The following GATAD2B variants were observed in gnomAD, a reference collection of about 807,000 sequenced individuals.
GATAD2B encodes transcriptional repressor p66-beta.
GATAD2B carries 8 observed loss-of-function variants against 64.3 expected under a neutral mutation model. The observed-to-expected ratio is 0.12, with a 90% CI of 0.07 to 0.22. The LOEUF is 0.22. GATAD2B is among the 10% of genes least tolerant of loss of function. The pLI, the probability that GATAD2B is intolerant of heterozygous loss-of-function variation, is 1.00. For synonymous variants in GATAD2B, 281 were observed against 271.3 expected (o/e 1.04, Z -0.35); for missense variants, 453 against 752.0 (o/e 0.60, Z 4.65).
chr1:153,897,784 A>T lies in GATAD2B; in HGVS notation c.-2+24949T>A, dbSNP rs191104034. Among the ~76,000 whole-genome samples, 208 of 152,220 alleles carry T rather than the reference A, an allele frequency of 1.4e-3. 1 individual carries two copies. The East Asian group carries it at 0.027, about 19-fold the overall frequency. On this transcript the variant is annotated intron_variant, in intron 1 of 10. Transcript: ENST00000368655. Reference sequence around the variant, plus strand: ...ACAGTTGGCCAATATATTTAAAAAAATTTTTTTAAAGAATTGCTGAAAACG... The same window carrying T: ...ACAGTTGGCCAATATATTTAAAAAATTTTTTTTAAAGAATTGCTGAAAACG...
At chr1:153,899,986 C>T (rs1050212043) in intron 1 of GATAD2B, among the ~76,000 whole-genome samples, 1 of 152,166 alleles carries the variant, frequency 6.6e-6, no homozygotes, top group Non-Finnish European at 1.5e-5. Context: ...CACACGTATA[C>T]ACAAATTGCA....
chr1:153,904,185 C>T (rs1272709919), intron 1 of GATAD2B, among the ~76,000 whole-genome samples: 2 of 151,882 alleles, frequency 1.3e-5, no homozygotes, highest in Admixed American at 1.3e-4. Flanking sequence ...AAGGCTGACG[C>T]AGGAAAATCA....
intron 1 of GATAD2B, among the ~76,000 whole-genome samples, chr1:153,876,841 A>G (rs1676851884): frequency 1.3e-5 from 2 of 152,090 alleles, no homozygotes; most frequent in South Asian, 2.1e-4. Context: ...CGTCTCTACT[A>G]AAAATACAAA....
chr1:153,899,504 T>G (rs1320534494), intron 1 of GATAD2B, among the ~76,000 whole-genome samples: 1 of 151,116 alleles, frequency 6.6e-6, no homozygotes, highest in Non-Finnish European at 1.5e-5. Flanking sequence ...GATGTGGAGG[T>G]TGCAGTGAGC....
chr1:153,862,262 A>G (rs1676327577), intron 1 of GATAD2B, among the ~76,000 whole-genome samples: 1 of 151,200 alleles, frequency 6.6e-6, no homozygotes, highest in East Asian at 2.0e-4. Context: ...ACCTGACGTT[A>G]CAGGCTCATG....
At chr1:153,914,211 C>T (rs1236387277) in intron 1 of GATAD2B, among the ~76,000 whole-genome samples, 1 of 139,314 alleles carries the variant, frequency 7.2e-6, no homozygotes, top group Non-Finnish European at 1.5e-5. Context: ...CCATTGCACT[C>T]CAGCCCCCAG....
At position 153,853,926 on chromosome 1, in the gene GATAD2B, T is replaced by C. The variant is rs144448435; in HGVS notation, c.-1-25578A>G. ...CATAAATTTTCAGGAGACATTCCCA[T>C]CTACCCCCAGCCAGAGCCCAAGCTG... On this transcript the variant is annotated intron_variant, in intron 1 of 10. Coordinates refer to ENST00000368655, the MANE Select transcript of GATAD2B (RefSeq NM_020699.4). 2.6e-5 allele frequency among the ~76,000 whole-genome samples: 4 copies of C among 152,270 alleles called. No homozygotes were observed. In the East Asian group the frequency reaches 7.7e-4, roughly 29 times the overall value.
At chr1:153,861,795 A>AATATATATATATATAT (rs1553194157) in intron 1 of GATAD2B, among the ~76,000 whole-genome samples, 1 of 98,550 alleles carries the variant, frequency 1.0e-5, no homozygotes, top group African/African-American at 3.6e-5. Context: ...AAAAAAAAAA[A>AATATATATATATATAT]ATATATATAT....
At chr1:153,810,937 G>GT (rs771768724) in intron 10 of GATAD2B, among the ~76,000 whole-genome samples, 16 of 151,870 alleles carry the variant, frequency 1.1e-4, no homozygotes, top group Non-Finnish European at 1.8e-4. Flanking sequence ...CTAATTTTTT[G>GT]TATTTTCAGT....
At chr1:153,895,993 T>TA (rs376526598) in intron 1 of GATAD2B, among the ~76,000 whole-genome samples, 120,544 of 128,702 alleles carry the variant, frequency 0.94, 56,572 homozygotes, top group Non-Finnish European at 0.96. Context: ...GACTCTGTCT[T>TA]AAAAAAAAAA....
rs1674243609 is a variant in GATAD2B at position 153,810,129 on chromosome 1, G to A, written c.*48C>T. The A allele has an allele frequency of 6.4e-7, 1 of 1,559,230 alleles. No homozygotes were observed. ...GACAGAAGTTGGGGGAATGAAAGAGGAAAGGGATAAAGGATTCAAGGATGG... is the reference window on the plus strand; with the variant it reads ...GACAGAAGTTGGGGGAATGAAAGAGAAAAGGGATAAAGGATTCAAGGATGG... On this transcript the variant is annotated 3_prime_UTR_variant, in exon 11 of 11. Transcript: ENST00000368655.
At chr1:153,898,278 G>A (rs147008941) in intron 1 of GATAD2B, among the ~76,000 whole-genome samples, 11 of 130,658 alleles carry the variant, frequency 8.4e-5, no homozygotes, top group Non-Finnish European at 1.7e-4. Context: ...CTGCATTTCG[G>A]CCTGGGCAAC....
chr1:153,823,872 G>C (rs1402088696), intron 2 of GATAD2B, among the ~76,000 whole-genome samples: 2 of 151,984 alleles, frequency 1.3e-5, no homozygotes, highest in Non-Finnish European at 2.9e-5. Flanking sequence ...TAGGATTACA[G>C]GCACCCGCCA....
At chr1:153,901,312 C>T (rs567314663) in intron 1 of GATAD2B, among the ~76,000 whole-genome samples, 14 of 152,198 alleles carry the variant, frequency 9.2e-5, no homozygotes, top group African/African-American at 3.1e-4. Flanking sequence ...GATCATGCCA[C>T]TGCACTTCAG....
chr1:153,876,031 A>G (rs1406270043), intron 1 of GATAD2B, among the ~76,000 whole-genome samples: 2 of 151,990 alleles, frequency 1.3e-5, no homozygotes, highest in African/African-American at 4.8e-5. Context: ...GTTCCAGATC[A>G]GCGTGGCCAA....
intron 1 of GATAD2B, among the ~76,000 whole-genome samples, chr1:153,878,476 A>G (rs928809870): frequency 6.6e-6 from 1 of 152,162 alleles, no homozygotes; most frequent in African/African-American, 2.4e-5. Flanking sequence ...CTTCCTAACA[A>G]AAGGAAAAAA....
rs369465442 is a variant in GATAD2B, at chr1:153,892,944, C to T, written c.-2+29789G>A. ...TCCTGACCTCGTGATCCACCCGCCTCGGCCTCCCAAAGTGCTGGGATTATA... is the reference window on the plus strand; with the variant it reads ...TCCTGACCTCGTGATCCACCCGCCTTGGCCTCCCAAAGTGCTGGGATTATA... On this transcript the variant is annotated intron_variant, in intron 1 of 10. Coordinates refer to ENST00000368655, the MANE Select transcript of GATAD2B (RefSeq NM_020699.4). 4.1e-3 allele frequency among the ~76,000 whole-genome samples: 622 copies of T among 152,182 alleles called. 5 individuals are homozygous for T. The highest frequency in any genetic ancestry group is 0.014 in the African/African-American group (580 of 41,522).
intron 1 of GATAD2B, among the ~76,000 whole-genome samples, chr1:153,911,405 C>T (rs4845583): frequency 0.27 from 41,039 of 152,058 alleles, 6,093 homozygotes; most frequent in Admixed American, 0.38. Flanking sequence ...ATTTACTAAG[C>T]AGTGCATCAA....
At position 153,851,297 on chromosome 1, in the gene GATAD2B, A is replaced by G. The variant is rs190069060; in HGVS notation, c.-1-22949T>C. ...GGGATCCTGATTTTATTTTGGATAAATATCTAGAAGCATGATTGCTAGACC... is the reference window on the plus strand; with the variant it reads ...GGGATCCTGATTTTATTTTGGATAAGTATCTAGAAGCATGATTGCTAGACC... On this transcript the variant is annotated intron_variant, in intron 1 of 10. Coordinates refer to ENST00000368655, the MANE Select transcript of GATAD2B (RefSeq NM_020699.4). Among the ~76,000 whole-genome samples the G allele has an allele frequency of 9.6e-4, 146 of 152,304 alleles. 3 individuals carry two copies. The highest frequency in any genetic ancestry group is 4.0e-4 in the Non-Finnish European group (27 of 68,026).
Sources: gnomAD v4.1 joint callset for allele counts (sites outside exome capture counted in the v4.1 genomes callset) on GRCh38, gnomAD v4.1.1 for gene constraint, MANE v1.5 for transcripts, NCBI Gene and HGNC (gene_info 2026-07-23, HGNC 2026-07-21) for gene names.